The following SNAP23 variants were observed in gnomAD, a reference collection of about 807,000 sequenced individuals.
The protein encoded by SNAP23 is synaptosomal-associated protein 23.
In SNAP23, 11 loss-of-function variants were observed where a neutral mutation model predicts 29.0. The observed-to-expected ratio is 0.38, with a 90% CI of 0.24 to 0.63. The LOEUF is 0.63. Ranked by LOEUF, SNAP23 falls within the 20% of genes least tolerant of loss-of-function variation. SNAP23 has a pLI of 0.58. For synonymous variants in SNAP23, 60 were observed against 82.9 expected (o/e 0.72, Z 1.50); for missense variants, 220 against 253.9 (o/e 0.87, Z 0.91).
At chr15:42,503,368 A>ATT (rs5812222) in intron 1 of SNAP23, among the ~76,000 whole-genome samples, 2,095 of 116,272 alleles carry the variant, frequency 0.018, 61 homozygotes, top group African/African-American at 0.061. Flanking sequence ...CGCCTGGCTA[A>ATT]TTTTTTTTTT....
chr15:42,491,854 T>C (rs1348504246), upstream of SNAP23, among the ~76,000 whole-genome samples: 1 of 152,088 alleles, frequency 6.6e-6, no homozygotes, highest in Non-Finnish European at 1.5e-5. Flanking sequence ...AGTTCTGGGA[T>C]TGCAGGTGTC....
At chr15:42,494,385 C>T (rs913334213), upstream of SNAP23, among the ~76,000 whole-genome samples, 3 of 149,556 alleles carry the variant, frequency 2.0e-5, no homozygotes, top group South Asian at 6.4e-4. Flanking sequence ...ACTACTTACT[C>T]CTTGAAGCAC....
intron 1 of SNAP23, among the ~76,000 whole-genome samples, chr15:42,499,373 A>G (rs1277305663): frequency 3.2e-4 from 48 of 152,196 alleles, no homozygotes; most frequent in Non-Finnish European, 5.9e-5. Context: ...CGCCCGGTCT[A>G]AGGTCACATC....
In SNAP23 at chr15:42,497,329, G is replaced by C. The variant is rs923775560; in HGVS notation, c.-15+1616G>C. Among the ~76,000 whole-genome samples, 3 of 150,788 alleles carry C rather than the reference G, an allele frequency of 2.0e-5. No individual in the cohort carries two copies. The East Asian group carries it at 5.9e-4, about 29-fold the overall frequency. ...GGTCAAGCAATTCTTCTGCCTCAAC[G>C]TCCCAAGTAGCTGGGATTACAGGCA... On this transcript the variant is annotated intron_variant, in intron 1 of 7. Coordinates refer to ENST00000249647, the MANE Select transcript of SNAP23 (RefSeq NM_003825.4).
At chr15:42,497,397 T>C (rs889677989) in intron 1 of SNAP23, among the ~76,000 whole-genome samples, 6 of 151,834 alleles carry the variant, frequency 4.0e-5, no homozygotes, top group Non-Finnish European at 8.8e-5. Context: ...TTAGTAGAGA[T>C]GGGGTTTTGC....
At chr15:42,510,564 T>C (rs1595520536) in intron 1 of SNAP23, among the ~76,000 whole-genome samples, 1 of 152,304 alleles carries the variant, frequency 6.6e-6, no homozygotes, top group Admixed American at 6.5e-5. Context: ...CTAAGAGCCA[T>C]GTAAATACTT....
At chr15:42,524,781 A>C (rs1193646744) in intron 5 of SNAP23, among the ~76,000 whole-genome samples, 1 of 114,386 alleles carries the variant, frequency 8.7e-6, no homozygotes, top group Admixed American at 7.9e-5. Context: ...TTAAAAACAT[A>C]TTTATATTTG....
chr15:42,501,346 C>G (rs1330353186), intron 1 of SNAP23, among the ~76,000 whole-genome samples: 2 of 152,148 alleles, frequency 1.3e-5, no homozygotes, highest in South Asian at 2.1e-4. Context: ...ATTTTTTGGA[C>G]TTGATCATAC....
chr15:42,498,552 A>G (rs991548843), intron 1 of SNAP23, among the ~76,000 whole-genome samples: 1 of 152,124 alleles, frequency 6.6e-6, no homozygotes. Context: ...TTTTCTTCCT[A>G]GGCCTCAGGT....
intron 5 of SNAP23, among the ~76,000 whole-genome samples, chr15:42,516,506 T>C (rs2057398292): frequency 6.6e-6 from 1 of 152,020 alleles, no homozygotes; most frequent in South Asian, 2.1e-4. Flanking sequence ...AATTTTTGTA[T>C]TTTTAGTAGA....
chr15:42,511,720 C>T, intron 1 of SNAP23, 113 bp from the exon 2 acceptor site: 1 of 501,284 alleles, frequency 2.0e-6, no homozygotes, highest in African/African-American at 2.0e-5. Context: ...TTCTTTTATC[C>T]TGTTTTCCTG....
chr15:42,497,271 C>T (rs112312009), intron 1 of SNAP23, among the ~76,000 whole-genome samples: 6,963 of 147,002 alleles, frequency 0.047, 550 homozygotes, highest in African/African-American at 0.16. Flanking sequence ...TGCAGTGGCG[C>T]GATCTTGGCT....
In SNAP23 at chr15:42,529,821, TA is replaced by T. The variant is rs745795788; in HGVS notation, c.570+6del. The T allele has an allele frequency of 6.2e-7, 1 of 1,610,064 alleles. No individual in the cohort carries two copies. Among genetic ancestry groups the T allele is most frequent in the South Asian group, 1.1e-5 (1 of 90,676 alleles). The stretch of plus-strand genomic sequence containing the variant: ...CAAATAAAACGAATCACAGACAAGG[TA>T]AAAGCTTTTTATTGCCACAAGAAAA... On this transcript the variant is annotated splice_donor_region_variant and intron_variant, in intron 7 of 7. Transcript: ENST00000249647.
At chr15:42,517,789 T>C (rs1247299035) in intron 5 of SNAP23, among the ~76,000 whole-genome samples, 1 of 152,152 alleles carries the variant, frequency 6.6e-6, no homozygotes, top group African/African-American at 2.4e-5. Flanking sequence ...TAGCTCACTG[T>C]AGCCTCAAAC....
intron 1 of SNAP23, among the ~76,000 whole-genome samples, chr15:42,511,141 T>C (rs2057355561): frequency 6.6e-6 from 1 of 152,218 alleles, no homozygotes; most frequent in African/African-American, 2.4e-5. Context: ...GTTTTATTTT[T>C]TAGCTTGGAT....
chr15:42,496,715 T>C (rs2057222532), intron 1 of SNAP23, among the ~76,000 whole-genome samples: 1 of 150,870 alleles, frequency 6.6e-6, no homozygotes, highest in Admixed American at 6.6e-5. Context: ...AGGCTCCAAC[T>C]CAAAAAAAAA....
At chr15:42,511,470 C>T (rs575986964) in intron 1 of SNAP23, among the ~76,000 whole-genome samples, 55 of 152,320 alleles carry the variant, frequency 3.6e-4, no homozygotes, top group African/African-American at 1.2e-3. Flanking sequence ...CATGTTCAGA[C>T]AACACATGAA....
intron 7 of SNAP23, 89 bp downstream of exon 7, chr15:42,529,908 G>T (rs1047031765): frequency 6.9e-5 from 96 of 1,387,796 alleles, no homozygotes; most frequent in Non-Finnish European, 8.7e-5. Flanking sequence ...TGGGGGACAC[G>T]GTAGAATAAG....
At chr15:42,514,844 G>A (rs893056470) in intron 4 of SNAP23, among the ~76,000 whole-genome samples, 2 of 151,344 alleles carry the variant, frequency 1.3e-5, no homozygotes, top group Admixed American at 1.3e-4. Flanking sequence ...CTAGGATTAC[G>A]GCACCCATCA....
Sources: gnomAD v4.1 joint callset for allele counts (sites outside exome capture counted in the v4.1 genomes callset) on GRCh38, gnomAD v4.1.1 for gene constraint, MANE v1.5 for transcripts, NCBI Gene and HGNC (gene_info 2026-07-23, HGNC 2026-07-21) for gene names.